MTAP: variants seen among roughly 807,000 people sequenced by gnomAD.
The protein encoded by MTAP is methylthioadenosine phosphorylase, also known as S-methyl-5'-thioadenosine phosphorylase.
Under a neutral mutation model 33.6 loss-of-function variants are expected in MTAP, and 33 were observed. The ratio of observed to expected loss-of-function variants is 0.98; its 90% confidence interval spans 0.74 to 1.31. MTAP has a LOEUF of 1.31. Ranked by LOEUF, MTAP falls within the 40% of genes most tolerant of loss-of-function variation. The pLI, the probability that MTAP is intolerant of heterozygous loss-of-function variation, is 0.00. For synonymous variants in MTAP, 148 were observed against 125.7 expected (o/e 1.18, Z -1.19); for missense variants, 367 against 360.0 (o/e 1.02, Z -0.16).
intron 6 of MTAP, 97 bp from the exon 7 acceptor site, chr9:21,859,206 C>A: frequency 6.6e-7 from 1 of 1,506,010 alleles, no homozygotes; most frequent in Non-Finnish European, 8.9e-7. Flanking sequence ...GGGACACAAA[C>A]ATTTAGGCTG....
At chr9:21,907,936 A>G (rs1345875321) in intron 1 of MTAP, among the ~76,000 whole-genome samples, 1 of 152,172 alleles carries the variant, frequency 6.6e-6, no homozygotes, top group African/African-American at 2.4e-5. Context: ...CATCTTTAGT[A>G]CCTTTAGTAT....
At chr9:21,893,644 C>G (rs1218741779) in intron 1 of MTAP, 1 of 151,880 alleles carries the variant, frequency 6.6e-6, no homozygotes, top group South Asian at 2.1e-4. Flanking sequence ...AACTAGAAAA[C>G]CTAGAAGGAA....
At chr9:21,851,558 A>G (rs1587246366) in intron 5 of MTAP, among the ~76,000 whole-genome samples, 1 of 152,130 alleles carries the variant, frequency 6.6e-6, no homozygotes, top group South Asian at 2.1e-4. Flanking sequence ...TGACCTTATT[A>G]TTGTCTTTAT....
In MTAP at chr9:21,915,012, C is replaced by T. The variant is rs959518818; in HGVS notation, c.148-15996C>T. Among the ~76,000 whole-genome samples the T allele has an allele frequency of 2.5e-3, 185 of 73,508 alleles. 4 individuals are homozygous for T. In the East Asian group the frequency reaches 0.047, roughly 19 times the overall value. 48.2% of individuals were successfully genotyped at this position (73,508 alleles called of 152,430 possible). ...ATACTTTGTTTTCTTTCCTTCCTTC[C>T]TTCCTTCCTTCCTTCCTTCCTTCCT... is the stretch of plus-strand genomic sequence containing the variant. On this transcript the variant is annotated intron_variant, in intron 1 of 1. Transcript: ENST00000577563.
intron 4 of MTAP, among the ~76,000 whole-genome samples, chr9:21,833,216 C>T (rs867551852): frequency 6.6e-6 from 1 of 152,090 alleles, no homozygotes; most frequent in South Asian, 2.1e-4. Flanking sequence ...GAGACAAGAT[C>T]TCACTCTCGC....
chr9:21,923,333 C>T (rs1310957611), intron 1 of MTAP, among the ~76,000 whole-genome samples: 2 of 152,158 alleles, frequency 1.3e-5, no homozygotes, highest in Non-Finnish European at 2.9e-5. Context: ...CATAGGACAT[C>T]ACTCTGTGGT....
intron 1 of MTAP, among the ~76,000 whole-genome samples, chr9:21,890,139 T>G (rs989870316): frequency 1.2e-4 from 18 of 151,562 alleles, no homozygotes; most frequent in African/African-American, 3.4e-4. Flanking sequence ...GGGGATGGGG[T>G]ATGGTTCTTA....
At chr9:21,927,896 A>G (rs932339012) in intron 1 of MTAP, among the ~76,000 whole-genome samples, 2 of 152,238 alleles carry the variant, frequency 1.3e-5, no homozygotes, top group Admixed American at 6.5e-5. Context: ...GAGACCTCCA[A>G]TCTTAGAGCT....
At chr9:21,892,109 G>C (rs1818210701) in intron 1 of MTAP, 1 of 152,142 alleles carries the variant, frequency 6.6e-6, no homozygotes, top group African/African-American at 2.4e-5. Flanking sequence ...TACCATACAA[G>C]TCCTAAAGGA....
chr9:21,854,240 A>G (rs1156245164), intron 5 of MTAP, among the ~76,000 whole-genome samples: 1 of 152,228 alleles, frequency 6.6e-6, no homozygotes, highest in Non-Finnish European at 1.5e-5. Context: ...AAGCGACGAG[A>G]GGCACCTTAG....
At chr9:21,826,990 T>C (rs1343897085) in intron 4 of MTAP, among the ~76,000 whole-genome samples, 1 of 152,150 alleles carries the variant, frequency 6.6e-6, no homozygotes, top group Non-Finnish European at 1.5e-5. Flanking sequence ...AACTAATGCC[T>C]GATGATCTGA....
intron 5 of MTAP, among the ~76,000 whole-genome samples, chr9:21,852,804 T>C (rs1825549426): frequency 6.6e-6 from 1 of 152,170 alleles, no homozygotes; most frequent in African/African-American, 2.4e-5. Flanking sequence ...CAAATACGTG[T>C]TCCAAAAGCA....
At chr9:21,926,519 C>A (rs1025417312) in intron 1 of MTAP, among the ~76,000 whole-genome samples, 4 of 152,154 alleles carry the variant, frequency 2.6e-5, no homozygotes, top group African/African-American at 7.2e-5. Flanking sequence ...TTGTGTCTCC[C>A]TAGACTCATC....
chr9:21,907,306 G>A (rs1394969701), intron 1 of MTAP, among the ~76,000 whole-genome samples: 2 of 152,166 alleles, frequency 1.3e-5, no homozygotes, highest in Non-Finnish European at 2.9e-5. Context: ...CAGCACTTTG[G>A]GAGGCCAAGG....
chr9:21,862,719 T>A lies in MTAP; in HGVS notation c.*705T>A, dbSNP rs947821351. On this transcript the variant is annotated 3_prime_UTR_variant, in exon 8 of 8. Coordinates refer to ENST00000644715, the MANE Select transcript of MTAP (RefSeq NM_002451.4). Reference sequence around the variant, plus strand: ...AGACACGGTTGCTCTATATATGAAGTGAAAAAAGGATATGGTAGCATTTTA... The same window carrying A: ...AGACACGGTTGCTCTATATATGAAGAGAAAAAAGGATATGGTAGCATTTTA... The A allele has an allele frequency of 6.3e-6, 1 of 157,482 alleles. No homozygotes were observed. The highest frequency in any genetic ancestry group is 1.4e-5 in the Non-Finnish European group (1 of 73,066). The allele number at this position is 157,482 out of a possible 1,614,324, so 9.8% of individuals were successfully genotyped here. A position where few individuals can be genotyped will look rare whatever the true frequency, so the allele number is the denominator to read the frequency against.
intron 1 of MTAP, among the ~76,000 whole-genome samples, chr9:21,913,698 A>G (rs142524320): frequency 1.3e-5 from 2 of 152,062 alleles, no homozygotes; most frequent in Admixed American, 1.3e-4. Flanking sequence ...TAGGCAATAC[A>G]ATTCAGGACA....
chr9:21,833,748 G>T (rs1563839392), intron 4 of MTAP, among the ~76,000 whole-genome samples: 1 of 152,160 alleles, frequency 6.6e-6, no homozygotes, highest in Non-Finnish European at 1.5e-5. Context: ...GATTGTGTTT[G>T]CTTCTGCCAG....
At chr9:21,828,354 A>G (rs1824875758) in intron 4 of MTAP, among the ~76,000 whole-genome samples, 1 of 152,172 alleles carries the variant, frequency 6.6e-6, no homozygotes, top group Non-Finnish European at 1.5e-5. Context: ...CTACTTTACA[A>G]CAACAGGAGG....
At chr9:21,874,211 A>G (rs936913676) in intron 1 of MTAP, among the ~76,000 whole-genome samples, 3 of 152,192 alleles carry the variant, frequency 2.0e-5, no homozygotes, top group Admixed American at 6.5e-5. Context: ...TTCAAGAATT[A>G]CTTCATAGAC....
Sources: allele counts gnomAD v4.1 joint callset (sites outside exome capture counted in the v4.1 genomes callset), GRCh38; gene constraint gnomAD v4.1.1; transcripts MANE v1.5; gene names NCBI Gene and HGNC (gene_info 2026-07-23, HGNC 2026-07-21).